The following TMEM236 variants were observed in gnomAD, a reference collection of about 807,000 sequenced individuals.
TMEM236 encodes the protein transmembrane protein 236.
A neutral mutation model predicts 14.7 loss-of-function variants in TMEM236; 11 were observed. The observed-to-expected ratio is 0.75, with a 90% CI of 0.47 to 1.24. TMEM236 has a LOEUF of 1.24. Ranked by LOEUF, TMEM236 falls within the 50% of genes most tolerant of loss-of-function variation. The pLI is 0.00. For missense variants in TMEM236, 464 were observed against 427.3 expected (o/e 1.09, Z -0.76); for synonymous variants, 182 against 168.6 (o/e 1.08, Z -0.62).
chr10:17,752,517 C>T lies in TMEM236; in HGVS notation c.222C>T (p.His74=). The part of the protein sequence containing the change: ...LIWVPVKVIL[H]KKRYIYRKIK... ...GGGTTCCTGTAAAAGTTATCCTGCA[C>T]AAGAAACGTTATATTTACAGAAAAA... The change falls in exon 1 of 4, where the codon CAC becomes CAT. Residue 74 remains histidine (H), a synonymous_variant. Transcript: ENST00000377495. 2 of 1,613,918 alleles carry T rather than the reference C, an allele frequency of 1.2e-6. No homozygotes were observed. Among genetic ancestry groups the T allele is most frequent in the South Asian group, 1.1e-5 (1 of 91,068 alleles).
intron 1 of TMEM236, among the ~76,000 whole-genome samples, chr10:17,768,654 A>G (rs1190446954): frequency 1.3e-5 from 2 of 151,986 alleles, no homozygotes; most frequent in Non-Finnish European, 2.9e-5. Context: ...GGGATGAGGA[A>G]AGAGGAAGAT....
At chr10:17,768,938 A>G (rs939047459) in intron 1 of TMEM236, among the ~76,000 whole-genome samples, 2 of 152,088 alleles carry the variant, frequency 1.3e-5, no homozygotes, top group South Asian at 4.2e-4. Flanking sequence ...TTACCATCTT[A>G]ATCATTTTAA....
rs1316762859 is a variant in TMEM236 at position 17,796,072 on chromosome 10, G to A, written c.624G>A (p.Gln208=). 1 of 1,613,892 alleles carries A rather than the reference G, an allele frequency of 6.2e-7. No individual in the cohort carries two copies. Among genetic ancestry groups the A allele is most frequent in the South Asian group, 1.1e-5 (1 of 91,066 alleles). ...CATCAGGAGCCATGACACGGAGCCAGGAGTCTGTGTTCATGGGACCCCAGG... is the reference window on the plus strand; with the variant it reads ...CATCAGGAGCCATGACACGGAGCCAAGAGTCTGTGTTCATGGGACCCCAGG... ...SQPSGAMTRS[Q]ESVFMGPQEP... Residue 208 remains glutamine (Q), a synonymous_variant, in exon 4 of 4, where the codon CAG becomes CAA. Coordinates refer to ENST00000377495, the MANE Select transcript of TMEM236 (RefSeq NM_001098844.3).
chr10:17,765,323 C>T (rs1049367751), intron 1 of TMEM236, among the ~76,000 whole-genome samples: 1 of 152,160 alleles, frequency 6.6e-6, no homozygotes, highest in East Asian at 1.9e-4. Context: ...TCCCAAAATT[C>T]ATGTTCTTTT....
At chr10:17,788,917 G>T (rs979205896) in intron 3 of TMEM236, among the ~76,000 whole-genome samples, 4 of 152,186 alleles carry the variant, frequency 2.6e-5, no homozygotes, top group Non-Finnish European at 4.4e-5. Context: ...TTGAAAACTT[G>T]TACACAGTTT....
chr10:17,754,351 G>A (rs1430017276), intron 1 of TMEM236, among the ~76,000 whole-genome samples: 5 of 152,056 alleles, frequency 3.3e-5, no homozygotes, highest in African/African-American at 9.7e-5. Flanking sequence ...GACTGGGTGT[G>A]GCTCTGTTGC....
At chr10:17,785,654 G>A (rs1324320147) in intron 3 of TMEM236, among the ~76,000 whole-genome samples, 2 of 151,792 alleles carry the variant, frequency 1.3e-5, no homozygotes, top group Non-Finnish European at 2.9e-5. Flanking sequence ...TATACAAGAT[G>A]AGCCCCTAGT....
Position 17,798,071 on chromosome 10 carries a change from G to A in TMEM236, c.*1567G>A. 1 of 161,280 alleles carries A rather than the reference G, an allele frequency of 6.2e-6. No individual in the cohort carries two copies. Among genetic ancestry groups the A allele is most frequent in the Admixed American group, 5.7e-5 (1 of 17,550 alleles). The allele number at this position is 161,280 out of a possible 1,614,324, so 10.0% of individuals were successfully genotyped here. On this transcript the variant is annotated 3_prime_UTR_variant, in exon 4 of 4. Transcript: ENST00000377495. ...GAGTCATGCAACTTGCTTTCACCCT[G>A]TTGGGACACTCTGAACAGTCAGCAC...
At chr10:17,768,036 A>G (rs1837497506) in intron 1 of TMEM236, among the ~76,000 whole-genome samples, 1 of 149,182 alleles carries the variant, frequency 6.7e-6, no homozygotes, top group South Asian at 2.1e-4. Context: ...TCAGCCTCCC[A>G]AGTAGCTGCG....
At chr10:17,772,479 A>G (rs1179525962) in intron 2 of TMEM236, among the ~76,000 whole-genome samples, 4 of 152,146 alleles carry the variant, frequency 2.6e-5, no homozygotes, top group Non-Finnish European at 4.4e-5. Context: ...TTAGTTTACA[A>G]CCTTTTAAGA....
chr10:17,752,688 T>A, intron 1 of TMEM236, 136 bp downstream of exon 1: 2 of 865,896 alleles, frequency 2.3e-6, no homozygotes, highest in Non-Finnish European at 3.8e-6. Context: ...TGCCTCAGCC[T>A]CCTGAGTAGC....
intron 1 of TMEM236, among the ~76,000 whole-genome samples, chr10:17,755,107 G>GTTT (rs1400481641): frequency 2.9e-5 from 4 of 137,376 alleles, no homozygotes; most frequent in African/African-American, 2.7e-5. Flanking sequence ...CCCGGCTAAT[G>GTTT]TTTTTTTTTT....
chr10:17,765,151 C>T (rs1027871454), intron 1 of TMEM236, among the ~76,000 whole-genome samples: 8 of 152,046 alleles, frequency 5.3e-5, no homozygotes, highest in Non-Finnish European at 1.2e-4. Flanking sequence ...GGACACCAGT[C>T]ATATTGGATC....
intron 2 of TMEM236, among the ~76,000 whole-genome samples, chr10:17,771,856 G>C (rs1424374428): frequency 2.6e-5 from 4 of 152,170 alleles, no homozygotes. Flanking sequence ...AGCTTCAAAA[G>C]ATCTTGGATA....
chr10:17,767,815 A>G (rs1837493105), intron 1 of TMEM236, among the ~76,000 whole-genome samples: 1 of 152,212 alleles, frequency 6.6e-6, no homozygotes, highest in East Asian at 1.9e-4. Flanking sequence ...CATATGTCAC[A>G]ACGGTTGTAG....
At chr10:17,780,001 T>C (rs1177569193) in intron 3 of TMEM236, among the ~76,000 whole-genome samples, 3 of 152,220 alleles carry the variant, frequency 2.0e-5, no homozygotes, top group Admixed American at 2.0e-4. Flanking sequence ...TCTAGTTTTC[T>C]AAAGAGGTTT....
intron 3 of TMEM236, among the ~76,000 whole-genome samples, chr10:17,781,555 G>A: frequency 6.6e-6 from 1 of 152,058 alleles, no homozygotes; most frequent in Non-Finnish European, 1.5e-5. Flanking sequence ...AGACCAGCCT[G>A]GCCAACATGG....
intron 3 of TMEM236, among the ~76,000 whole-genome samples, chr10:17,777,579 C>T (rs933441200): frequency 1.3e-5 from 2 of 152,032 alleles, no homozygotes; most frequent in Admixed American, 6.6e-5. Flanking sequence ...TAGCTGTGCA[C>T]GGCTGCACCC....
In TMEM236 at chr10:17,776,157, A is replaced by G. The variant is rs1014276545; in HGVS notation, c.459A>G (p.Arg153=). 1.7e-5 allele frequency: 27 copies of G among 1,612,904 alleles called. No individual in the cohort carries two copies. In the East Asian group the frequency reaches 4.2e-4, roughly 25 times the overall value. ...IIEKLRIYPL[R]GSQKSSENGH... The stretch of plus-strand genomic sequence containing the variant: ...AAAAACTCAGGATATATCCTCTTAG[A>G]GGGAGTCAAAAGAGTAAGTGTTCTT... The change falls in exon 3 of 4, where the codon AGA becomes AGG. Residue 153 remains arginine (R), a synonymous_variant. Transcript: ENST00000377495.
Sources: gnomAD v4.1 joint callset for allele counts (sites outside exome capture counted in the v4.1 genomes callset) on GRCh38, gnomAD v4.1.1 for gene constraint, MANE v1.5 for transcripts, NCBI Gene and HGNC (gene_info 2026-07-23, HGNC 2026-07-21) for gene names.